The following MECOM variants were observed in gnomAD, a reference collection of about 807,000 sequenced individuals.
The protein encoded by MECOM is MDS1 and EVI1 complex locus.
MECOM carries 13 observed loss-of-function variants against 116.3 expected under a neutral mutation model. The observed-to-expected ratio is 0.11, with a 90% CI of 0.07 to 0.18. The LOEUF (loss-of-function observed/expected upper bound fraction) is 0.18. Ranked by LOEUF, MECOM falls within the 10% of genes least tolerant of loss-of-function variation. MECOM has a pLI of 1.00. For synonymous variants in MECOM, 528 were observed against 535.2 expected (o/e 0.99, Z 0.19); for missense variants, 1,299 against 1,509.0 (o/e 0.86, Z 2.31).
intron 1 of MECOM, among the ~76,000 whole-genome samples, chr3:169,484,316 C>A (rs1010169772): frequency 1.1e-4 from 17 of 151,368 alleles, no homozygotes; most frequent in Non-Finnish European, 2.1e-4. Flanking sequence ...AAGAAGAGGG[C>A]TAAAGAAAAT....
chr3:169,084,987 G>C lies in MECOM; in HGVS notation c.3642C>G (p.His1214Gln). Reference sequence around the variant, plus strand: ...TACTGTGCCACACGTTGGAAGAACTGTGGGATGTAGAATGGAGGGACTCCT... The same window carrying C: ...TACTGTGCCACACGTTGGAAGAACTCTGGGATGTAGAATGGAGGGACTCCT... ...SDKESLHSTS[H>Q]SSSNVWHSMA... Residue 1214 changes from histidine (H) to glutamine (Q), a missense_variant, in exon 17 of 17, where the codon CAC (histidine) becomes CAG (glutamine). Transcript: ENST00000651503. 6.2e-7 allele frequency: 1 copy of C among 1,614,160 alleles called. No individual in the cohort carries two copies.
At chr3:169,335,651 A>C (rs1298370292) in intron 2 of MECOM, among the ~76,000 whole-genome samples, 1 of 152,172 alleles carries the variant, frequency 6.6e-6, no homozygotes, top group Non-Finnish European at 1.5e-5. Flanking sequence ...GATAGGACTT[A>C]AAATAGTTGA....
intron 1 of MECOM, among the ~76,000 whole-genome samples, chr3:169,619,462 C>A (rs1040395836): frequency 6.6e-6 from 1 of 152,198 alleles, no homozygotes; most frequent in Non-Finnish European, 1.5e-5. Context: ...AGCAGGGAGG[C>A]ACCTCAAGAT....
intron 1 of MECOM, among the ~76,000 whole-genome samples, chr3:169,504,774 C>T (rs1055240576): frequency 6.6e-6 from 1 of 152,136 alleles, no homozygotes; most frequent in African/African-American, 2.4e-5. Context: ...ATCCAGAAAC[C>T]AGGGGGTTCA....
chr3:169,622,669 T>C (rs1195609495), intron 1 of MECOM, among the ~76,000 whole-genome samples: 1 of 152,204 alleles, frequency 6.6e-6, no homozygotes, highest in East Asian at 1.9e-4. Context: ...CTAATATCAG[T>C]GGGAGTTAAT....
chr3:169,097,817 T>TATAAAAAAAAAAAAAAAAAAAAAA (rs1553818439), intron 12 of MECOM, among the ~76,000 whole-genome samples: 2 of 87,214 alleles, frequency 2.3e-5, no homozygotes, highest in East Asian at 5.0e-4. Context: ...ACTGTCTATA[T>TATAAAAAAAAAAAAAAAAAAAAAA]AAAAAAAAAA....
At chr3:169,652,790 C>T (rs144825262) in intron 1 of MECOM, among the ~76,000 whole-genome samples, 12 of 152,296 alleles carry the variant, frequency 7.9e-5, no homozygotes, top group Middle Eastern at 3.4e-3. Context: ...AAATGCTTGA[C>T]ACCATGCTCT....
chr3:169,442,974 AG>A (rs1377474911), intron 1 of MECOM, among the ~76,000 whole-genome samples: 1 of 152,176 alleles, frequency 6.6e-6, no homozygotes, highest in Non-Finnish European at 1.5e-5. Flanking sequence ...AACATTCAGT[AG>A]GTGCTCAGTA....
chr3:169,586,522 G>T (rs73174368), intron 1 of MECOM, among the ~76,000 whole-genome samples: 8,236 of 152,128 alleles, frequency 0.054, 332 homozygotes, highest in Non-Finnish European at 0.071. Flanking sequence ...TGATATTAAG[G>T]CTCAGGCTAA....
At chr3:169,235,860 C>G (rs1753987242) in intron 2 of MECOM, among the ~76,000 whole-genome samples, 1 of 148,462 alleles carries the variant, frequency 6.7e-6, no homozygotes, top group Admixed American at 6.7e-5. Context: ...GGAATCAAAC[C>G]ATTTTGCTTA....
chr3:169,484,015 G>A, intron 1 of MECOM: 1 of 1,573,840 alleles, frequency 6.4e-7, no homozygotes, highest in African/African-American at 1.3e-5. Context: ...TCTTTTTTTT[G>A]CCCCCAAAAC....
chr3:169,448,853 T>G (rs1283997855), intron 1 of MECOM, among the ~76,000 whole-genome samples: 1 of 152,178 alleles, frequency 6.6e-6, no homozygotes, highest in Non-Finnish European at 1.5e-5. Context: ...ATTAAATATT[T>G]AATACTATTA....
Position 169,102,283 on chromosome 3 carries a change from T to A in MECOM, c.2605-57A>T, listed in dbSNP as rs1723848904. ...TTTGGCATCTTGTCTTCTATAATAA[T>A]CTCTGGCAAACCAAGGACATCATTA... On this transcript the variant is annotated intron_variant, in intron 10 of 16. Transcript: ENST00000651503. 4.6e-6 allele frequency: 7 copies of A among 1,507,160 alleles called. No individual in the cohort carries two copies. In the South Asian group the frequency reaches 6.7e-5, roughly 14 times the overall value. 93.4% of individuals were successfully genotyped at this position (1,507,160 alleles called of 1,614,324 possible).
intron 2 of MECOM, among the ~76,000 whole-genome samples, chr3:169,149,975 G>GTGTC (rs1201609860): frequency 1.3e-3 from 133 of 100,476 alleles, no homozygotes; most frequent in South Asian, 4.0e-3. Flanking sequence ...GTGTGTGTGT[G>GTGTC]TGTCTGTCTG....
intron 2 of MECOM, among the ~76,000 whole-genome samples, chr3:169,368,871 TTAA>T (rs1729615738): frequency 2.0e-5 from 3 of 151,680 alleles, no homozygotes; most frequent in South Asian, 4.2e-4. Flanking sequence ...AGTATGGGGG[TTAA>T]TAATAAGAAA....
intron 1 of MECOM, among the ~76,000 whole-genome samples, chr3:169,425,365 C>T (rs1236631785): frequency 1.3e-5 from 2 of 152,160 alleles, no homozygotes; most frequent in African/African-American, 4.8e-5. Flanking sequence ...ATTTAACATG[C>T]AGGCATTCTC....
chr3:169,223,848 C>G (rs1752413518), intron 2 of MECOM, among the ~76,000 whole-genome samples: 1 of 152,212 alleles, frequency 6.6e-6, no homozygotes, highest in Non-Finnish European at 1.5e-5. Context: ...CCCCTCTATT[C>G]TTCCTCAAGT....
chr3:169,329,846 C>G, intron 2 of MECOM, among the ~76,000 whole-genome samples: 1 of 152,178 alleles, frequency 6.6e-6, no homozygotes, highest in East Asian at 1.9e-4. Context: ...TTAAAGCTGA[C>G]TAAGAAAGTG....
chr3:169,388,450 G>T (rs1733729601), intron 1 of MECOM, among the ~76,000 whole-genome samples: 1 of 152,136 alleles, frequency 6.6e-6, no homozygotes, highest in Non-Finnish European at 1.5e-5. Flanking sequence ...GAACTGGCCA[G>T]CAAAATCTTC....
Sources: gnomAD v4.1 joint callset for allele counts (sites outside exome capture counted in the v4.1 genomes callset) on GRCh38, gnomAD v4.1.1 for gene constraint, MANE v1.5 for transcripts, NCBI Gene and HGNC (gene_info 2026-07-23, HGNC 2026-07-21) for gene names.